Variants in PLLP observed in about 807,000 individuals in gnomAD.
PLLP encodes the protein plasmolipin.
PLLP carries 15 observed loss-of-function variants against 19.7 expected under a neutral mutation model. The observed-to-expected ratio is 0.76, with a 90% CI of 0.51 to 1.17. The LOEUF is 1.17. PLLP is among the 50% of genes most tolerant of loss of function. PLLP has a pLI of 0.00. For missense variants in PLLP, 255 were observed against 258.3 expected, an observed-to-expected ratio of 0.99 and a Z score of 0.09; for synonymous variants, 111 against 116.3, an observed-to-expected ratio of 0.95 and a Z score of 0.29.
At chr16:57,284,103 C>T (rs1901251784) in intron 1 of PLLP, among the ~76,000 whole-genome samples, 1 of 152,118 alleles carries the variant, frequency 6.6e-6, no homozygotes, top group Non-Finnish European at 1.5e-5. Flanking sequence ...TCTGTGGCCG[C>T]TGGTAACCAC....
At chr16:57,261,093 T>C (rs1322166334) in intron 2 of PLLP, among the ~76,000 whole-genome samples, 1 of 152,094 alleles carries the variant, frequency 6.6e-6, no homozygotes, top group African/African-American at 2.4e-5. Context: ...GTTCAAGCAA[T>C]TCTCCTGTCT....
In PLLP at chr16:57,261,971, C is replaced by T. The variant is rs1372206413; in HGVS notation, c.235G>A (p.Val79Met). 1 of 1,614,118 alleles carries T rather than the reference C, an allele frequency of 6.2e-7. No homozygotes were observed. The highest frequency in any genetic ancestry group is 2.2e-5 in the East Asian group (1 of 44,886). ...VMFVAVFLWLVTIVLFNLYLF... is the reference protein window; with the variant it reads ...VMFVAVFLWLMTIVLFNLYLF... ...TAGAGGTTGAAGAGGACGATTGTCACCAGCCAGAGGAAGACAGCGACGAAC... is the reference window on the plus strand; with the variant it reads ...TAGAGGTTGAAGAGGACGATTGTCATCAGCCAGAGGAAGACAGCGACGAAC... Residue 79 changes from valine to methionine, a missense_variant, in exon 2 of 4, where the codon GTG becomes ATG. By Grantham distance (21) the Val-to-Met change is conservative. Coordinates refer to ENST00000219207, the MANE Select transcript of PLLP (RefSeq NM_015993.3).
Position 57,261,930 on chromosome 16 carries a change from G to A in PLLP, c.276C>T (p.His92=), listed in dbSNP as rs2075443042. ...GCCAGGGAACCATGTACAACTTCAT[G>A]TGCAGCTGAAACAGGTAGAGGTTGA... ...VLFNLYLFQL[H]MKLYMVPWPL... Residue 92 remains histidine, a synonymous_variant, in exon 2 of 4, where the codon CAC becomes CAT. Transcript: ENST00000219207. The A allele has an allele frequency of 6.2e-7, 1 of 1,614,078 alleles. No homozygotes were observed. The highest frequency in any genetic ancestry group is 8.5e-7 in the Non-Finnish European group (1 of 1,180,008).
Position 57,256,626 on chromosome 16 carries a change from TAAAGACAAGGCAGAGACAC to T in PLLP, c.*268_*286del, listed in dbSNP as rs1781376591. 2 of 416,356 alleles carry T rather than the reference TAAAGACAAGGCAGAGACAC, an allele frequency of 4.8e-6. No homozygotes were observed. The highest frequency in any genetic ancestry group is 8.8e-6 in the Non-Finnish European group (2 of 227,436). The allele number at this position is 416,356 out of a possible 1,614,324, so 25.8% of individuals were successfully genotyped here. A position where few individuals can be genotyped will look rare whatever the true frequency, so the allele number is the denominator to read the frequency against. On this transcript the variant is annotated 3_prime_UTR_variant, in exon 4 of 4. Transcript: ENST00000219207. ...CCCAGTCTTGGACGCTGAAGTCCTCTAAAGACAAGGCAGAGACACAGCCTCAGATCCCCCGTCATCTTCC... is the reference window on the plus strand; with the variant it reads ...CCCAGTCTTGGACGCTGAAGTCCTCTAGCCTCAGATCCCCCGTCATCTTCC...
At chr16:57,271,252 C>T (rs1193875927) in intron 1 of PLLP, among the ~76,000 whole-genome samples, 1 of 152,178 alleles carries the variant, frequency 6.6e-6, no homozygotes, top group Non-Finnish European at 1.5e-5. Flanking sequence ...GCAGCCCCCA[C>T]GTGTACTTGC....
intron 1 of PLLP, among the ~76,000 whole-genome samples, chr16:57,275,459 T>C (rs1901137935): frequency 6.6e-6 from 1 of 151,966 alleles, no homozygotes. Context: ...CAATAGAAGC[T>C]AACAAGGTAA....
intron 1 of PLLP, among the ~76,000 whole-genome samples, chr16:57,279,679 A>G (rs1597966278): frequency 3.2e-5 from 1 of 31,542 alleles, no homozygotes; most frequent in African/African-American, 1.3e-4. Context: ...TGTCTCGAGG[A>G]AAAAAAAAAA....
intron 1 of PLLP, among the ~76,000 whole-genome samples, chr16:57,279,674 C>T (rs1260934020): frequency 9.5e-6 from 1 of 104,902 alleles, no homozygotes; most frequent in South Asian, 5.1e-4. Context: ...GACCTTGTCT[C>T]GAGGAAAAAA....
chr16:57,283,657 G>A (rs888879157), intron 1 of PLLP, among the ~76,000 whole-genome samples: 1 of 152,150 alleles, frequency 6.6e-6, no homozygotes, highest in Non-Finnish European at 1.5e-5. Flanking sequence ...CCATGGGTCC[G>A]CCTCAGTTGG....
intron 2 of PLLP, among the ~76,000 whole-genome samples, chr16:57,260,986 C>A (rs2075440040): frequency 1.3e-5 from 2 of 152,210 alleles, no homozygotes; most frequent in African/African-American, 2.4e-5. Context: ...TGACCACCCC[C>A]AGAGGGAAAT....
intron 2 of PLLP, 66 bp from the exon 3 acceptor site, chr16:57,258,650 G>A (rs1010294462): frequency 2.0e-5 from 30 of 1,527,050 alleles, no homozygotes; most frequent in Admixed American, 6.7e-5. Context: ...GGCCAGACAC[G>A]GTGGTTCACA....
intron 1 of PLLP, among the ~76,000 whole-genome samples, chr16:57,270,496 C>T (rs1032822813): frequency 6.6e-6 from 1 of 151,854 alleles, no homozygotes; most frequent in Non-Finnish European, 1.5e-5. Context: ...TTCCTGGGGT[C>T]CCCCTCACTG....
chr16:57,260,626 G>A (rs1340157181), intron 2 of PLLP, among the ~76,000 whole-genome samples: 1 of 152,142 alleles, frequency 6.6e-6, no homozygotes, highest in Non-Finnish European at 1.5e-5. Context: ...ACAATCATGT[G>A]CCTTTCTCGC....
intron 1 of PLLP, among the ~76,000 whole-genome samples, chr16:57,276,856 T>C (rs1024241379): frequency 2.6e-5 from 4 of 152,142 alleles, no homozygotes; most frequent in Non-Finnish European, 5.9e-5. Flanking sequence ...ATCGTACAGA[T>C]GCACTTGGTG....
In PLLP at chr16:57,284,486, C is replaced by T. The variant is rs754077376; in HGVS notation, c.55G>A (p.Ala19Thr). ...STRTSSPAQGAEASVSALRPD... is the reference protein window; with the variant it reads ...STRTSSPAQGTEASVSALRPD... ...CGCAGCGCCGACACCGAGGCTTCGG[C>T]GCCCTGCGCAGGACTGCTGGTCCGC... The change falls in exon 1 of 4, where the codon GCC becomes ACC. Residue 19 changes from alanine to threonine, a missense_variant. Ala to Thr is a moderately conservative substitution (Grantham distance 58). Transcript: ENST00000219207. 5 of 1,439,404 alleles carry T rather than the reference C, an allele frequency of 3.5e-6. No homozygotes were observed. In the African/African-American group the frequency reaches 5.9e-5, roughly 17 times the overall value. 89.2% of individuals were successfully genotyped at this position (1,439,404 alleles called of 1,614,324 possible).
In PLLP at chr16:57,261,105, A is replaced by G. The variant is rs187498749; in HGVS notation, c.309+792T>C. Among the ~76,000 whole-genome samples the G allele has an allele frequency of 2.9e-3, 446 of 152,148 alleles. 1 individual carries two copies. Among genetic ancestry groups the G allele is most frequent in the African/African-American group, 0.01 (435 of 41,498 alleles). ...TGGGTTCAAGCAATTCTCCTGTCTC[A>G]GCCTCCCAAGTAGCTGGGACTAGAG... is the stretch of plus-strand genomic sequence containing the variant. On this transcript the variant is annotated intron_variant, in intron 2 of 3. Transcript: ENST00000219207.
intron 1 of PLLP, among the ~76,000 whole-genome samples, chr16:57,278,299 C>T (rs924699212): frequency 9.9e-5 from 15 of 152,134 alleles, no homozygotes; most frequent in African/African-American, 3.1e-4. Flanking sequence ...GAGATTACGC[C>T]GCTGCACTCC....
At chr16:57,276,048 C>T (rs559460622) in intron 1 of PLLP, among the ~76,000 whole-genome samples, 1 of 152,322 alleles carries the variant, frequency 6.6e-6, no homozygotes, top group Admixed American at 6.5e-5. Flanking sequence ...GCGGAGGTTG[C>T]AGTGATTCCT....
rs139938912 is a variant in PLLP, at chr16:57,274,679, C to T, written c.135+9727G>A. On this transcript the variant is annotated intron_variant, in intron 1 of 3. Transcript: ENST00000219207. ...TGTTGGCCAGGCTGGTCTCGAGCTC[C>T]TGACCTCAGGCGATCTGCCTGCCTC... Among the ~76,000 whole-genome samples, 815 of 152,146 alleles carry T rather than the reference C, an allele frequency of 5.4e-3. 6 individuals are homozygous for T. The highest frequency in any genetic ancestry group is 0.018 in the African/African-American group (751 of 41,518).
Sources: allele counts gnomAD v4.1 joint callset (sites outside exome capture counted in the v4.1 genomes callset), GRCh38; gene constraint gnomAD v4.1.1; transcripts MANE v1.5; gene names NCBI Gene and HGNC (gene_info 2026-07-23, HGNC 2026-07-21).